HS6ST2: variants seen among roughly 807,000 people sequenced by gnomAD.
The protein encoded by HS6ST2 is heparan sulfate 6-O-sulfotransferase 2.
A neutral mutation model predicts 33.0 loss-of-function variants in HS6ST2; 17 were observed. The ratio of observed to expected loss-of-function variants is 0.52; its 90% CI spans 0.35 to 0.77. The LOEUF is 0.77. Among genes scored for constraint, HS6ST2 ranks in the 30% least tolerant of loss-of-function variants. HS6ST2 has a pLI of 0.01. For missense variants in HS6ST2, 519 were observed against 551.7 expected (o/e 0.94, Z 0.59); for synonymous variants, 248 against 237.1 (o/e 1.05, Z -0.42).
At chrX:132,713,950 G>T (rs2064252947) in intron 2 of HS6ST2, among the ~76,000 whole-genome samples, 1 of 111,686 alleles carries the variant, frequency 9.0e-6, no homozygotes, top group African/African-American at 3.3e-5. Flanking sequence ...TTGATCTCCA[G>T]TCCTATGACA....
chrX:132,822,531 C>G (rs2065470585), intron 2 of HS6ST2, among the ~76,000 whole-genome samples: 1 of 111,764 alleles, frequency 8.9e-6, no homozygotes, highest in Admixed American at 9.5e-5. Context: ...TGTGCTATGT[C>G]AGTTTCAAAT....
intron 4 of HS6ST2, 66 bp from the exon 5 acceptor site, chrX:132,629,159 C>A (rs2063500261): frequency 9.2e-7 from 1 of 1,089,956 alleles, no homozygotes; most frequent in Non-Finnish European, 1.2e-6. Context: ...CATGGAGGTA[C>A]ATGGCATATG....
intron 2 of HS6ST2, among the ~76,000 whole-genome samples, chrX:132,743,275 G>A (rs888257657): frequency 8.9e-6 from 1 of 112,084 alleles, no homozygotes; most frequent in African/African-American, 3.2e-5. Flanking sequence ...TAGGACCTTG[G>A]GGCTTTCATT....
At chrX:132,866,741 A>G (rs1455166245) in intron 2 of HS6ST2, among the ~76,000 whole-genome samples, 1 of 65,471 alleles carries the variant, frequency 1.5e-5, no homozygotes, top group African/African-American at 6.2e-5. Context: ...CTTTGAAGCA[A>G]TTGTGAATGG....
chrX:132,648,583 A>T (rs2063665320), intron 4 of HS6ST2, among the ~76,000 whole-genome samples: 1 of 110,628 alleles, frequency 9.0e-6, no homozygotes, highest in Non-Finnish European at 1.9e-5. Context: ...ACAGAGAACA[A>T]GTTTAAATTG....
chrX:132,883,824 C>G (rs2066214067), intron 2 of HS6ST2, among the ~76,000 whole-genome samples: 1 of 111,666 alleles, frequency 9.0e-6, no homozygotes, highest in Non-Finnish European at 1.9e-5. Context: ...CCACCAAAGG[C>G]TCTGCCCACA....
intron 2 of HS6ST2, among the ~76,000 whole-genome samples, chrX:132,774,398 T>G (rs1428801506): frequency 8.9e-6 from 1 of 112,246 alleles, no homozygotes; most frequent in Non-Finnish European, 1.9e-5. Context: ...CAAATAGTCT[T>G]GCTTCTTGAA....
intron 2 of HS6ST2, chrX:132,735,448 G>GA (rs2064499024): frequency 8.9e-6 from 1 of 111,772 alleles, no homozygotes. Flanking sequence ...AAATTCCAAG[G>GA]AAAAAAGCAC....
chrX:132,742,867 G>C (rs1380682598), intron 2 of HS6ST2, among the ~76,000 whole-genome samples: 1 of 112,118 alleles, frequency 8.9e-6, no homozygotes, highest in East Asian at 2.8e-4. Flanking sequence ...AAGCCTTATA[G>C]AGTCCTGTCT....
intron 3 of HS6ST2, among the ~76,000 whole-genome samples, chrX:132,704,923 C>T (rs1378533362): frequency 6.2e-5 from 7 of 112,110 alleles, no homozygotes; most frequent in Admixed American, 2.8e-4. Flanking sequence ...AGCCAGACTA[C>T]GCTTTCAGTC....
intron 2 of HS6ST2, among the ~76,000 whole-genome samples, chrX:132,750,300 G>A (rs2064690323): frequency 1.9e-5 from 2 of 104,619 alleles, no homozygotes; most frequent in Admixed American, 2.1e-4. Context: ...TGAATTTTTG[G>A]AGGAAATTTT....
At position 132,628,292 on chromosome X, in the gene HS6ST2, G is replaced by C; in HGVS notation, c.1869C>G (p.Gly623=). The C allele has an allele frequency of 8.6e-7, 1 of 1,167,489 alleles. No individual in the cohort carries two copies. Among genetic ancestry groups the C allele is most frequent in the South Asian group, 1.9e-5 (1 of 52,709 alleles). Residue 623 remains glycine, a synonymous_variant, in exon 5 of 5, where the codon GGC becomes GGG. Coordinates refer to ENST00000370833, the MANE Select transcript of HS6ST2 (RefSeq NM_001394073.1). ...ENRESPKQNS[G]KEQNDNTSNG... ...TGCTGGTGTTATCATTCTGCTCCTT[G>C]CCTGAGTTCTGCTTCGGGCTTTCCC...
chrX:132,637,813 T>A (rs1371659679), intron 4 of HS6ST2, among the ~76,000 whole-genome samples: 69 of 62,985 alleles, frequency 1.1e-3, no homozygotes, highest in African/African-American at 3.8e-3. Flanking sequence ...TATATATTAT[T>A]TTATATATAT....
chrX:132,837,566 A>G (rs1444530562), intron 2 of HS6ST2, among the ~76,000 whole-genome samples: 1 of 111,694 alleles, frequency 9.0e-6, no homozygotes, highest in Non-Finnish European at 1.9e-5. Flanking sequence ...TCTCTACCTC[A>G]AACAGGAACC....
chrX:132,695,837 A>G (rs2064100670), intron 3 of HS6ST2, among the ~76,000 whole-genome samples: 1 of 112,123 alleles, frequency 8.9e-6, no homozygotes, highest in African/African-American at 3.2e-5. Flanking sequence ...GCGTGCTTAA[A>G]ATTATCCATA....
At chrX:132,704,562 AAAAAG>A (rs1284601239) in intron 3 of HS6ST2, among the ~76,000 whole-genome samples, 3 of 111,798 alleles carry the variant, frequency 2.7e-5, no homozygotes, top group Non-Finnish European at 5.6e-5. Context: ...CGTCTCAAAA[AAAAAG>A]AAAAGAAAAG....
chrX:132,629,621 A>G (rs763582590), intron 4 of HS6ST2, among the ~76,000 whole-genome samples: 58 of 112,701 alleles, frequency 5.1e-4, no homozygotes, highest in African/African-American at 1.8e-3. Context: ...TCTAATCTGC[A>G]TATCTTTTTG....
chrX:132,768,978 C>T (rs888512936), intron 2 of HS6ST2, among the ~76,000 whole-genome samples: 1 of 112,394 alleles, frequency 8.9e-6, no homozygotes, highest in African/African-American at 3.2e-5. Context: ...GAATCATCCA[C>T]CCTCCTGAAA....
At chrX:132,898,186 C>T (rs182488330) in intron 2 of HS6ST2, among the ~76,000 whole-genome samples, 5 of 109,646 alleles carry the variant, frequency 4.6e-5, no homozygotes, top group African/African-American at 1.3e-4. Context: ...CCCCACCTCC[C>T]CCTGTCCGTG....
Sources: allele counts gnomAD v4.1 joint callset (sites outside exome capture counted in the v4.1 genomes callset), GRCh38; gene constraint gnomAD v4.1.1; transcripts MANE v1.5; gene names NCBI Gene and HGNC (gene_info 2026-07-23, HGNC 2026-07-21).